The following NPHP3 variants were observed in gnomAD, a reference collection of about 807,000 sequenced individuals.
NPHP3 encodes nephrocystin 3, also known as nephrocystin-3.
NPHP3 carries 123 observed loss-of-function variants against 171.9 expected under a neutral mutation model. The ratio of observed to expected loss-of-function variants is 0.72; its 90% CI spans 0.62 to 0.83. The LOEUF is 0.83. Ranked by LOEUF, NPHP3 falls within the 40% of genes least tolerant of loss-of-function variation. The pLI, the probability that NPHP3 is intolerant of heterozygous loss-of-function variation, is 0.00. For synonymous variants in NPHP3, 558 were observed against 579.2 expected (o/e 0.96, Z 0.52); for missense variants, 1,506 against 1,591.9 (o/e 0.95, Z 0.92).
At chr3:132,696,927 G>A (rs1576669742) in intron 14 of NPHP3, 114 bp from the exon 15 acceptor site, 1 of 854,270 alleles carries the variant, frequency 1.2e-6, no homozygotes, top group East Asian at 2.5e-5. Context: ...CACTATTGCT[G>A]CCATCCGTGA....
chr3:132,721,827 A>C (rs780288671), intron 1 of NPHP3, 136 bp downstream of exon 1: 1 of 1,053,430 alleles, frequency 9.5e-7, no homozygotes, highest in South Asian at 1.4e-5. Flanking sequence ...ATCATTTCAG[A>C]CTCGAAGAGA....
In NPHP3 at chr3:132,722,335, G is replaced by A. The variant is rs980586409; in HGVS notation, c.21C>T (p.Leu7=). 1 of 1,578,310 alleles carries A rather than the reference G, an allele frequency of 6.3e-7. No homozygotes were observed. Among genetic ancestry groups the A allele is most frequent in the Non-Finnish European group, 8.5e-7 (1 of 1,171,466 alleles). ...TCACTTCCCCGCCCGCGGGGCTCACGAGCGACGAGGCGGTCCCCATGGCGT... is the reference window on the plus strand; with the variant it reads ...TCACTTCCCCGCCCGCGGGGCTCACAAGCGACGAGGCGGTCCCCATGGCGT... MGTASS[L]VSPAGGEVIE... The change falls in exon 1 of 27, where the codon CTC becomes CTT. Residue 7 remains leucine, a synonymous_variant. Coordinates refer to ENST00000337331, the MANE Select transcript of NPHP3 (RefSeq NM_153240.5).
intron 16 of NPHP3, 140 bp from the exon 17 acceptor site, chr3:132,692,958 A>ATGTTTCTT: frequency 1.4e-6 from 1 of 718,640 alleles, no homozygotes; most frequent in African/African-American, 1.8e-5. Flanking sequence ...ATCAAGAAAC[A>ATGTTTCTT]GATTTATTAA....
chr3:132,691,993 CATG>C (rs1250633586), intron 17 of NPHP3, among the ~76,000 whole-genome samples: 13 of 152,332 alleles, frequency 8.5e-5, no homozygotes, highest in African/African-American at 3.1e-4. Flanking sequence ...AAACTGCATA[CATG>C]ATGATGATCC....
Position 132,692,819 on chromosome 3 carries a change from C to A in NPHP3, c.2311-1G>T. ...GACTAACATTGACAAGGCAGAGGAT[C>A]TAGGTAGAAAAACAAATTAACAGTA... On this transcript the variant is annotated splice_acceptor_variant, in intron 16 of 26. Coordinates refer to ENST00000337331, the MANE Select transcript of NPHP3 (RefSeq NM_153240.5). LOFTEE classifies it high-confidence loss of function. 6.2e-7 allele frequency: 1 copy of A among 1,613,580 alleles called. No individual in the cohort carries two copies. The highest frequency in any genetic ancestry group is 8.5e-7 in the Non-Finnish European group (1 of 1,179,614).
chr3:132,696,827 C>T lies in NPHP3; in HGVS notation c.2089-14G>A. The T allele has an allele frequency of 1.2e-6, 2 of 1,610,018 alleles. No homozygotes were observed. Among genetic ancestry groups the T allele is most frequent in the Non-Finnish European group, 1.7e-6 (2 of 1,176,802 alleles). ...TAGCTTCTTCTCCTGCACCAGTTTA[C>T]CAAGAAAAACAAAACAGAAATACAA... On this transcript the variant is annotated splice_polypyrimidine_tract_variant and intron_variant, in intron 14 of 26. Coordinates refer to ENST00000337331, the MANE Select transcript of NPHP3 (RefSeq NM_153240.5).
At chr3:132,696,928 C>A in intron 14 of NPHP3, 115 bp from the exon 15 acceptor site, 1 of 836,910 alleles carries the variant, frequency 1.2e-6, no homozygotes, top group Admixed American at 1.9e-5. Flanking sequence ...ACTATTGCTG[C>A]CATCCGTGAC....
chr3:132,684,702 A>G lies in NPHP3; in HGVS notation c.3422T>C (p.Leu1141Pro), dbSNP rs1057521090. 3.1e-6 allele frequency: 5 copies of G among 1,613,984 alleles called. No homozygotes were observed. Among genetic ancestry groups the G allele is most frequent in the Non-Finnish European group, 4.2e-6 (5 of 1,179,982 alleles). ...HPDCAQSLNN[L>P]AALCNEKKQY... ...TTTCTTTTCATTGCATAGAGCTGCC[A>G]GATTATTCAAAGACTGAGCACAGTC... The change falls in exon 24 of 27, where the codon CTG (leucine) becomes CCG (proline). Residue 1141 changes from leucine (L) to proline (P), a missense_variant. Around this residue, in one of 3 missense-constraint regions of NPHP3, gnomAD observed 569 missense variants for 648.1 expected, o/e 0.88. Transcript: ENST00000337331.
chr3:132,695,385 G>T (rs1939428452), intron 15 of NPHP3, among the ~76,000 whole-genome samples: 1 of 151,868 alleles, frequency 6.6e-6, no homozygotes, highest in South Asian at 2.1e-4. Flanking sequence ...TTAAATAGGG[G>T]GGTATGTTTT....
At chr3:132,699,648 C>T (rs1050426612) in intron 12 of NPHP3, among the ~76,000 whole-genome samples, 198 bp from the exon 13 acceptor site, 1 of 152,164 alleles carries the variant, frequency 6.6e-6, no homozygotes, top group Admixed American at 6.5e-5. Context: ...ACTCTGGACA[C>T]GTCAGGAAAT....
At chr3:132,694,108 T>C (rs1218265797) in intron 16 of NPHP3, among the ~76,000 whole-genome samples, 2 of 151,930 alleles carry the variant, frequency 1.3e-5, no homozygotes. Context: ...TACTGGCAAA[T>C]AATAGGCAAA....
intron 8 of NPHP3, 68 bp from the exon 9 acceptor site, chr3:132,704,439 G>A: frequency 6.4e-7 from 1 of 1,569,748 alleles, no homozygotes; most frequent in East Asian, 2.2e-5. Context: ...GGGTCACCCA[G>A]GCCCAAAGTG....
rs770553226 is a variant in NPHP3, at chr3:132,683,500, A to G, written c.3595T>C (p.Leu1199=). The change falls in exon 25 of 27, where the codon TTG becomes CTG. Residue 1199 remains leucine, a synonymous_variant. Transcript: ENST00000337331. ...CGAATTTCAACAGCCAATTCATACA[A>G]AGGTACAGCTTTGTCAAGTTTCCCC... ...KMGKLDKAVP[L]YELAVEIRQK... is the part of the protein sequence containing the mutation. 3 of 1,613,094 alleles carry G rather than the reference A, an allele frequency of 1.9e-6. No homozygotes were observed. The highest frequency in any genetic ancestry group is 1.1e-5 in the South Asian group (1 of 91,058).
At chr3:132,711,860 G>A (rs7340663) in intron 6 of NPHP3, among the ~76,000 whole-genome samples, 2,541 of 152,258 alleles carry the variant, frequency 0.017, 71 homozygotes, top group African/African-American at 0.058. Flanking sequence ...CTGGATGAAG[G>A]CTCATTGACC....
rs1939029001 is a variant in NPHP3 at position 132,681,593 on chromosome 3, T to C, written c.*317A>G. 3.0e-6 allele frequency: 1 copy of C among 327,876 alleles called. No homozygotes were observed. The highest frequency in any genetic ancestry group is 4.4e-5 in the Admixed American group (1 of 22,542). The allele number at this position is 327,876 out of a possible 1,614,324, so 20.3% of individuals were successfully genotyped here. On this transcript the variant is annotated 3_prime_UTR_variant, in exon 27 of 27. Coordinates refer to ENST00000337331, the MANE Select transcript of NPHP3 (RefSeq NM_153240.5). ...AAGATTCATGGAATTTTTGAACTCC[T>C]TGTCTTAACTACTCTGCCAGCTCTT...
At chr3:132,703,638 G>T (rs1407993047) in intron 9 of NPHP3, among the ~76,000 whole-genome samples, 4 of 150,740 alleles carry the variant, frequency 2.7e-5, no homozygotes, top group African/African-American at 9.8e-5. Context: ...GGAGGGCAGG[G>T]GTGTGGTCAT....
chr3:132,701,988 C>G (rs1386144466), intron 9 of NPHP3, among the ~76,000 whole-genome samples: 1 of 152,016 alleles, frequency 6.6e-6, no homozygotes, highest in Non-Finnish European at 1.5e-5. Flanking sequence ...ACAGTGCCAC[C>G]GCACTCCAGC....
Position 132,722,360 on chromosome 3 carries a change from T to C in NPHP3, c.-5A>G. On this transcript the variant is annotated 5_prime_UTR_variant, in exon 1 of 27. Transcript: ENST00000337331. ...GAGCGACGAGGCGGTCCCCATGGCG[T>C]CCGTTGCCGCTACTACCTAGTGAGT... The C allele has an allele frequency of 6.3e-7, 1 of 1,574,878 alleles. No homozygotes were observed. The highest frequency in any genetic ancestry group is 1.1e-5 in the South Asian group (1 of 88,592).
Position 132,696,711 on chromosome 3 carries a change from G to A in NPHP3, c.2171+20C>T, listed in dbSNP as rs1425654218. ...AAACACAAAACATGCAGAAGATCAT[G>A]TAAAATAATCACCACTCACCGCGCG... is the stretch of plus-strand genomic sequence containing the variant. On this transcript the variant is annotated intron_variant, in intron 15 of 26. Coordinates refer to ENST00000337331, the MANE Select transcript of NPHP3 (RefSeq NM_153240.5). 6.2e-7 allele frequency: 1 copy of A among 1,608,558 alleles called. No homozygotes were observed. Among genetic ancestry groups the A allele is most frequent in the African/African-American group, 1.3e-5 (1 of 74,942 alleles).
Sources: allele counts gnomAD v4.1 joint callset (sites outside exome capture counted in the v4.1 genomes callset), GRCh38; gene constraint gnomAD v4.1.1; regional missense constraint gnomAD v4.1.1; transcripts MANE v1.5; gene names NCBI Gene and HGNC (gene_info 2026-07-23, HGNC 2026-07-21).